Variants in MYO1B observed in about 807,000 individuals in gnomAD.
The protein encoded by MYO1B is unconventional myosin-Ib.
A neutral mutation model predicts 159.7 loss-of-function variants in MYO1B; 72 were observed. The ratio of observed to expected loss-of-function variants is 0.45; its 90% CI spans 0.37 to 0.55. The LOEUF (loss-of-function observed/expected upper bound fraction) is 0.55, where lower values mean the gene tolerates loss of function less well. Ranked by LOEUF, MYO1B falls within the 20% of genes least tolerant of loss-of-function variation. MYO1B has a pLI of 0.00. For synonymous variants in MYO1B, 468 were observed against 473.8 expected, an observed-to-expected ratio of 0.99 and a Z score of 0.16; for missense variants, 1,062 against 1,364.8, an observed-to-expected ratio of 0.78 and a Z score of 3.50.
rs149130769 is a variant in MYO1B at position 191,274,310 on chromosome 2, G to C, written c.-9-2577G>C. On this transcript the variant is annotated intron_variant, in intron 1 of 30. Coordinates refer to ENST00000392318, the MANE Select transcript of MYO1B (RefSeq NM_001130158.3). ...ACTCTATTCCTCTTTGGATTAGAAA[G>C]TTGGGATGAGGTGTAAAAAATTAGA... is the stretch of plus-strand genomic sequence containing the variant. 4.2e-3 allele frequency among the ~76,000 whole-genome samples: 638 copies of C among 152,324 alleles called. 9 individuals carry two copies. Among genetic ancestry groups the C allele is most frequent in the African/African-American group, 0.014 (581 of 41,570 alleles).
chr2:191,331,912 C>T (rs985935630), intron 4 of MYO1B, among the ~76,000 whole-genome samples: 2 of 152,146 alleles, frequency 1.3e-5, no homozygotes, highest in Non-Finnish European at 2.9e-5. Flanking sequence ...AAATTGCATA[C>T]CAAAAAATAA....
intron 3 of MYO1B, among the ~76,000 whole-genome samples, chr2:191,296,668 G>A (rs986994342): frequency 6.6e-6 from 1 of 152,184 alleles, no homozygotes; most frequent in African/African-American, 2.4e-5. Context: ...TGCAGACAAT[G>A]TTCACCAGAT....
intron 6 of MYO1B, among the ~76,000 whole-genome samples, chr2:191,347,263 A>G (rs1181380378): frequency 2.3e-4 from 35 of 152,240 alleles, no homozygotes; most frequent in Non-Finnish European, 1.5e-5. Flanking sequence ...AGAAAATGGC[A>G]GGCTAAATAA....
In MYO1B at chr2:191,290,238, C is replaced by A. The variant is rs530629077; in HGVS notation, c.136-5873C>A. On this transcript the variant is annotated intron_variant, in intron 2 of 30. Coordinates refer to ENST00000392318, the MANE Select transcript of MYO1B (RefSeq NM_001130158.3). ...TTACTTATTTTCTTTCTTTCTTTGT[C>A]CCTCCCTACTCTTCCTTTTCTATTA... Among the ~76,000 whole-genome samples, 4 of 152,064 alleles carry A rather than the reference C, an allele frequency of 2.6e-5. No homozygotes were observed. In the South Asian group the frequency reaches 8.3e-4, roughly 32 times the overall value.
At chr2:191,329,907 A>G (rs1691352610) in intron 3 of MYO1B, 28 bp from the exon 4 acceptor site, 1 of 1,592,458 alleles carries the variant, frequency 6.3e-7, no homozygotes, top group Non-Finnish European at 8.6e-7. Flanking sequence ...CTGAAGTCTA[A>G]GGAATTTTTT....
intron 5 of MYO1B, among the ~76,000 whole-genome samples, chr2:191,345,456 G>A (rs2125968666): frequency 6.6e-6 from 1 of 152,280 alleles, no homozygotes; most frequent in East Asian, 1.9e-4. Context: ...ACTCCGTGCT[G>A]TTCCCTGTGT....
chr2:191,247,987 A>G (rs1253832640), intron 1 of MYO1B: 2 of 985,308 alleles, frequency 2.0e-6, no homozygotes, highest in Admixed American at 6.1e-5. Context: ...GTCTGACATC[A>G]TGGGGAAGAA....
intron 15 of MYO1B, among the ~76,000 whole-genome samples, chr2:191,384,970 A>T (rs929234526): frequency 1.3e-5 from 2 of 152,200 alleles, no homozygotes; most frequent in African/African-American, 4.8e-5. Flanking sequence ...TTTTGTGTGG[A>T]ATGAATAAAT....
intron 11 of MYO1B, 109 bp from the exon 12 acceptor site, chr2:191,369,433 G>C: frequency 1.2e-6 from 1 of 819,420 alleles, no homozygotes; most frequent in Non-Finnish European, 1.9e-6. Context: ...CTGCAAAGAT[G>C]TGAAATAAAA....
At chr2:191,397,747 C>A (rs1237765306) in intron 21 of MYO1B, among the ~76,000 whole-genome samples, 5 of 145,476 alleles carry the variant, frequency 3.4e-5, no homozygotes, top group Non-Finnish European at 7.6e-5. Context: ...CAGAGGGGCT[C>A]CTCACTTCCC....
chr2:191,260,254 C>CTTTGTTTTTTTTTTTTTTTTTTTTTTTTT (rs757535238), intron 1 of MYO1B, among the ~76,000 whole-genome samples: 1 of 60,962 alleles, frequency 1.6e-5, no homozygotes, highest in Non-Finnish European at 4.0e-5. Flanking sequence ...CCCAGATAGG[C>CTTTGTTTTTTTTTTTTTTTTTTTTTTTTT]TTTTTTTTTT....
At chr2:191,398,332 G>A (rs1265183188) in intron 21 of MYO1B, among the ~76,000 whole-genome samples, 2 of 122,392 alleles carry the variant, frequency 1.6e-5, no homozygotes, top group Non-Finnish European at 3.7e-5. Context: ...GCGGCTGGCC[G>A]GGCAGGGGGG....
At chr2:191,351,878 C>A (rs1288582231) in intron 7 of MYO1B, among the ~76,000 whole-genome samples, 2 of 152,112 alleles carry the variant, frequency 1.3e-5, no homozygotes, top group African/African-American at 2.4e-5. Context: ...GAGTGAGACC[C>A]CATCTCAAAA....
At chr2:191,256,257 C>A (rs1686439615) in intron 1 of MYO1B, among the ~76,000 whole-genome samples, 1 of 152,134 alleles carries the variant, frequency 6.6e-6, no homozygotes, top group Non-Finnish European at 1.5e-5. Context: ...TCCTTAGTAG[C>A]CCCCGGACCC....
At position 191,353,140 on chromosome 2, in the gene MYO1B, A is replaced by G. The variant is rs1250362159; in HGVS notation, c.562+2915A>G. Among the ~76,000 whole-genome samples the G allele has an allele frequency of 2.1e-4, 32 of 152,222 alleles. 1 individual carries two copies. Among genetic ancestry groups the G allele is most frequent in the Admixed American group, 2.1e-3 (32 of 15,282 alleles). On this transcript the variant is annotated intron_variant, in intron 7 of 30. Coordinates refer to ENST00000392318, the MANE Select transcript of MYO1B (RefSeq NM_001130158.3). ...ACTACATATCCCTGAGGTTAGTGTCATTAAGAGAGGTATTAAAATAGAAGA... is the reference window on the plus strand; with the variant it reads ...ACTACATATCCCTGAGGTTAGTGTCGTTAAGAGAGGTATTAAAATAGAAGA...
intron 1 of MYO1B, among the ~76,000 whole-genome samples, chr2:191,268,208 C>T (rs1343149286): frequency 2.0e-5 from 3 of 152,194 alleles, no homozygotes; most frequent in South Asian, 2.1e-4. Flanking sequence ...CTGGAGGCTG[C>T]GGAGTGGGAG....
Position 191,329,929 on chromosome 2 carries a change from C to G in MYO1B, c.252-6C>G, listed in dbSNP as rs375755425. ...CTAAGGAATTTTTTTCCATTATCCCCTGCAGCTTTGCCCTTTCGGATGAAG... is the reference window on the plus strand; with the variant it reads ...CTAAGGAATTTTTTTCCATTATCCCGTGCAGCTTTGCCCTTTCGGATGAAG... On this transcript the variant is annotated splice_polypyrimidine_tract_variant and splice_region_variant and intron_variant, in intron 3 of 30. Transcript: ENST00000392318. 1.1e-5 allele frequency: 17 copies of G among 1,607,758 alleles called. 1 individual carries two copies. Among genetic ancestry groups the G allele is most frequent in the Middle Eastern group, 1.7e-4 (1 of 6,038 alleles).
rs979521877 is a variant in MYO1B at position 191,276,981 on chromosome 2, A to C, written c.86A>C (p.Glu29Ala). ...DMVLLEPLNE[E>A]TFINNLKKRF... ...GTTCTTTTAGAACCTCTCAATGAGG[A>C]GACCTTCATCAACAACCTCAAGAAG... The change falls in exon 2 of 31, where the codon GAG (glutamate) becomes GCG (alanine). Residue 29 changes from glutamate to alanine, a missense_variant. Physicochemically the swap from Glu to Ala is moderately radical, Grantham distance 107. Around this residue, in one of 5 missense-constraint regions of MYO1B, gnomAD observed 415 missense variants for 544.0 expected, o/e 0.76. Coordinates refer to ENST00000392318, the MANE Select transcript of MYO1B (RefSeq NM_001130158.3). 1.4e-5 allele frequency: 22 copies of C among 1,613,912 alleles called. No individual in the cohort carries two copies. The highest frequency in any genetic ancestry group is 1.7e-5 in the Non-Finnish European group (20 of 1,179,984).
intron 21 of MYO1B, among the ~76,000 whole-genome samples, chr2:191,397,816 G>C (rs1055876178): frequency 2.1e-5 from 3 of 145,372 alleles, no homozygotes; most frequent in Admixed American, 1.3e-4. Flanking sequence ...CTGGCCGGGC[G>C]GGGGGCTGAC....
Sources: allele counts gnomAD v4.1 joint callset (sites outside exome capture counted in the v4.1 genomes callset), GRCh38; gene constraint gnomAD v4.1.1; regional missense constraint gnomAD v4.1.1; transcripts MANE v1.5; gene names NCBI Gene and HGNC (gene_info 2026-07-23, HGNC 2026-07-21).